Variants in BRI3 observed in about 807,000 individuals in gnomAD.
The protein encoded by BRI3 is brain protein I3, also known as membrane protein BRI3.
BRI3 carries 6 observed loss-of-function variants against 12.8 expected under a neutral mutation model. The observed-to-expected ratio is 0.47, with a 90% CI of 0.26 to 0.93. The LOEUF is 0.93. BRI3 is among the 40% of genes least tolerant of loss of function. The pLI is 0.15. For synonymous variants in BRI3, 91 were observed against 76.1 expected (o/e 1.20, Z -1.02); for missense variants, 134 against 171.1 (o/e 0.78, Z 1.21).
the BRI3 span, chr7:98,317,261 T>G: frequency 4.2e-5 from 67 of 1,614,256 alleles, no homozygotes; most frequent in African/African-American, 4.1e-4. Flanking sequence ...TTCGGCTTCC[T>G]TGGCTTTTCC....
At chr7:98,322,534 T>C in the BRI3 span, among the ~76,000 whole-genome samples, 1 of 152,184 alleles carries the variant, frequency 6.6e-6, no homozygotes, top group Admixed American at 6.5e-5. Context: ...GGTGCAGCCA[T>C]GTCCCTTCCT....
chr7:98,294,111 T>G, downstream of BRI3: 2 of 1,614,090 alleles, frequency 1.2e-6, no homozygotes, highest in Non-Finnish European at 1.7e-6. Context: ...TTGGCATCGT[T>G]CTGTGAGAAA....
chr7:98,305,267 T>C (rs899477878), upstream of BRI3, among the ~76,000 whole-genome samples: 1 of 151,140 alleles, frequency 6.6e-6, no homozygotes, highest in African/African-American at 2.4e-5. Flanking sequence ...TGATTTAATC[T>C]AAGGAAAGAA....
At chr7:98,292,724 T>C (rs928805123), downstream of BRI3, 4 of 1,551,468 alleles carry the variant, frequency 2.6e-6, no homozygotes, top group Non-Finnish European at 3.5e-6. Context: ...CCCGAGCAGT[T>C]TGAGTGTACT....
chr7:98,322,657 C>G, the BRI3 span, among the ~76,000 whole-genome samples: 35 of 152,264 alleles, frequency 2.3e-4, 1 homozygote, highest in South Asian at 6.6e-3. Context: ...GGAGGATTCT[C>G]CCATCCACCC....
chr7:98,294,250 CCTAATGTGCTGGGA>C, downstream of BRI3: 1 of 823,434 alleles, frequency 1.2e-6, no homozygotes, highest in South Asian at 1.6e-5. Context: ...ACCTTGGCCT[CCTAATGTGCTGGGA>C]CTACAGGTGT....
intron 1 of BRI3, 143 bp from the exon 2 acceptor site, chr7:98,282,208 C>G (rs1584384724): frequency 3.5e-6 from 3 of 847,598 alleles, no homozygotes; most frequent in East Asian, 2.7e-5. Flanking sequence ...AGCGCCGAAT[C>G]AGGCCCGCGG....
At chr7:98,297,082 G>T (rs1465819382), downstream of BRI3, among the ~76,000 whole-genome samples, 3 of 152,226 alleles carry the variant, frequency 2.0e-5, no homozygotes, top group Non-Finnish European at 4.4e-5. Flanking sequence ...GACCACTAAG[G>T]CCACGAAACC....
chr7:98,293,838 C>CT (rs1324498201), downstream of BRI3, among the ~76,000 whole-genome samples: 1 of 152,236 alleles, frequency 6.6e-6, no homozygotes, highest in Non-Finnish European at 1.5e-5. Flanking sequence ...ACCCACACCT[C>CT]TTTAGTCCTG....
At chr7:98,321,202 T>C in the BRI3 span, among the ~76,000 whole-genome samples, 1 of 152,190 alleles carries the variant, frequency 6.6e-6, no homozygotes, top group Non-Finnish European at 1.5e-5. Context: ...AGCCAAGTTC[T>C]ATATATCTGA....
intron 2 of BRI3, among the ~76,000 whole-genome samples, chr7:98,288,253 G>A (rs1799778192): frequency 6.6e-6 from 1 of 152,186 alleles, no homozygotes; most frequent in Non-Finnish European, 1.5e-5. Flanking sequence ...ACCTGTCATG[G>A]CCATCTGTGG....
upstream of BRI3, chr7:98,304,422 A>T (rs1562965772): frequency 6.3e-7 from 1 of 1,594,382 alleles, no homozygotes; most frequent in Admixed American, 1.7e-5. Context: ...ATGTCTCACC[A>T]CCAAACCCCA....
At chr7:98,305,133 T>G (rs958243640), upstream of BRI3, among the ~76,000 whole-genome samples, 2 of 149,228 alleles carry the variant, frequency 1.3e-5, no homozygotes, top group African/African-American at 5.0e-5. Flanking sequence ...TCAGGTGATC[T>G]GCCCGCCTCG....
At chr7:98,283,270 C>T (rs1489198984) in intron 2 of BRI3, among the ~76,000 whole-genome samples, 2 of 151,878 alleles carry the variant, frequency 1.3e-5, no homozygotes, top group East Asian at 1.9e-4. Flanking sequence ...ATTAAGAAAC[C>T]CTGGTTTGGA....
In BRI3 at chr7:98,309,104, C is replaced by T. The variant is rs1800776626; in HGVS notation, n.1734C>T. On this transcript the variant is annotated non_coding_transcript_exon_variant, in exon 2 of 2. Transcript: ENST00000485422. The stretch of plus-strand genomic sequence containing the variant: ...TTCATGATTACAACATAAACCTGCG[C>T]CCCCTTAACCTGCCACTCTCTACTT... The T allele has an allele frequency of 1.3e-5, 2 of 152,104 alleles. 1 individual carries two copies. Among genetic ancestry groups the T allele is most frequent in the South Asian group, 4.1e-4 (2 of 4,824 alleles). 9.4% of individuals were successfully genotyped at this position (152,104 alleles called of 1,614,324 possible). A position where few individuals can be genotyped will look rare whatever the true frequency, so the allele number is the denominator to read the frequency against.
At position 98,291,435 on chromosome 7, in the gene BRI3, A is replaced by T; in HGVS notation, c.*192A>T. The T allele has an allele frequency of 7.1e-7, 1 of 1,417,412 alleles. No homozygotes were observed. The highest frequency in any genetic ancestry group is 1.6e-5 in the South Asian group (1 of 64,392). The allele number at this position is 1,417,412 out of a possible 1,614,324, so 87.8% of individuals were successfully genotyped here. On this transcript the variant is annotated 3_prime_UTR_variant, in exon 3 of 3. Coordinates refer to ENST00000297290, the MANE Select transcript of BRI3 (RefSeq NM_015379.5). ...GCTGCTCCCGCCCGAGGCTCATGAC[A>T]ACTCAATAAAGCACTGCTTTTATTT...
chr7:98,300,834 C>G (rs1470807921), intron 1 of BRI3, among the ~76,000 whole-genome samples: 2 of 152,212 alleles, frequency 1.3e-5, no homozygotes, highest in Non-Finnish European at 2.9e-5. Flanking sequence ...CCGACCCCAG[C>G]TCTTGAGCCC....
downstream of BRI3, chr7:98,293,090 G>C (rs138357323): frequency 1.4e-3 from 763 of 553,964 alleles, 4 homozygotes; most frequent in African/African-American, 0.014. Context: ...AAACTTACGT[G>C]ATATCTTCTT....
downstream of BRI3, chr7:98,292,280 C>A: frequency 3.4e-6 from 1 of 297,420 alleles, no homozygotes; most frequent in South Asian, 3.6e-5. Context: ...TGGAGTGCAG[C>A]AGCATGATCT....
Sources: allele counts gnomAD v4.1 joint callset (sites outside exome capture counted in the v4.1 genomes callset), GRCh38; gene constraint gnomAD v4.1.1; transcripts MANE v1.5; gene names NCBI Gene and HGNC (gene_info 2026-07-23, HGNC 2026-07-21).